Variants in APBA1 observed in about 807,000 individuals in gnomAD.
APBA1 encodes amyloid beta precursor protein binding family A member 1, also known as amyloid-beta A4 precursor protein-binding family A member 1.
In APBA1, 55 loss-of-function variants were observed where a neutral mutation model predicts 86.6. The ratio of observed to expected loss-of-function variants is 0.64; its 90% CI spans 0.51 to 0.80. The LOEUF (loss-of-function observed/expected upper bound fraction) is 0.80, where lower values mean the gene tolerates loss of function less well. Ranked by LOEUF, APBA1 falls within the 30% of genes least tolerant of loss-of-function variation. The pLI is 0.00. For synonymous variants in APBA1, 511 were observed against 493.9 expected (o/e 1.03, Z -0.46); for missense variants, 1,090 against 1,183.0 (o/e 0.92, Z 1.15).
intron 1 of APBA1, among the ~76,000 whole-genome samples, chr9:69,652,882 AGCTACTTGGG>A (rs1588413404): frequency 6.6e-6 from 1 of 152,240 alleles, no homozygotes; most frequent in East Asian, 1.9e-4. Flanking sequence ...CTGTAGTCCT[AGCTACTTGGG>A]AGGCTGAGGG....
intron 1 of APBA1, among the ~76,000 whole-genome samples, chr9:69,649,292 C>T (rs561086974): frequency 5.3e-4 from 81 of 152,192 alleles, no homozygotes; most frequent in Admixed American, 7.9e-4. Context: ...ACTTGAAATG[C>T]AAAAATGGCA....
Position 69,516,257 on chromosome 9 carries a change from C to G in APBA1, c.954G>C (p.Ala318=). Residue 318 remains alanine (A), a synonymous_variant, in exon 2 of 13, where the codon GCG becomes GCC. Coordinates refer to ENST00000265381, the MANE Select transcript of APBA1 (RefSeq NM_001163.4). The surrounding 1 kb of genome is among the most constrained non-coding windows in gnomAD (Gnocchi z 7.3). ...CCACCGCCCGCTGCTGCCCCGCCGG[C>G]GCCTGCAGCCCGGGGCTGTCGGGGC... ...GGRPDSPGLQ[A]PAGQQRAVGP... is the part of the protein sequence containing the mutation. The G allele has an allele frequency of 1.4e-6, 2 of 1,379,516 alleles. No individual in the cohort carries two copies. The highest frequency in any genetic ancestry group is 1.7e-5 in the South Asian group (1 of 60,130). The allele number at this position is 1,379,516 out of a possible 1,614,324, so 85.5% of individuals were successfully genotyped here. A position where few individuals can be genotyped will look rare whatever the true frequency, so the allele number is the denominator to read the frequency against.
chr9:69,631,338 A>T (rs918611844), intron 1 of APBA1, among the ~76,000 whole-genome samples: 2 of 152,224 alleles, frequency 1.3e-5, no homozygotes, highest in African/African-American at 4.8e-5. Context: ...GAGAAATGCA[A>T]ATCAAAACCA....
intron 2 of APBA1, among the ~76,000 whole-genome samples, chr9:69,492,361 A>G (rs1379241015): frequency 6.6e-6 from 1 of 152,162 alleles, no homozygotes; most frequent in African/African-American, 2.4e-5. Flanking sequence ...TGATCTGAAC[A>G]GTTAGAAAAG....
chr9:69,521,600 T>G (rs1020169912), intron 1 of APBA1, among the ~76,000 whole-genome samples: 1 of 152,024 alleles, frequency 6.6e-6, no homozygotes, highest in Non-Finnish European at 1.5e-5. Flanking sequence ...CAAGATAACT[T>G]CATAGGGAAA....
intron 1 of APBA1, among the ~76,000 whole-genome samples, chr9:69,569,868 T>A (rs1406185112): frequency 6.6e-6 from 1 of 152,212 alleles, no homozygotes; most frequent in East Asian, 1.9e-4. Context: ...ACAGCCTGAA[T>A]TAAGCTCCAC....
intron 1 of APBA1, among the ~76,000 whole-genome samples, chr9:69,547,096 G>A (rs1195363942): frequency 1.3e-5 from 2 of 152,150 alleles, no homozygotes; most frequent in African/African-American, 2.4e-5. Context: ...ATCAATTGTC[G>A]GAGTACAGAG....
chr9:69,637,738 A>C (rs1823210198), intron 1 of APBA1, among the ~76,000 whole-genome samples: 1 of 152,226 alleles, frequency 6.6e-6, no homozygotes, highest in Admixed American at 6.5e-5. Context: ...AAAACACATA[A>C]AAGTGCTATA....
At chr9:69,466,601 A>G (rs1006154402) in intron 5 of APBA1, among the ~76,000 whole-genome samples, 9 of 152,118 alleles carry the variant, frequency 5.9e-5, no homozygotes, top group South Asian at 2.1e-4. Context: ...TCATTCCCTC[A>G]TTCATACTGC....
chr9:69,571,891 C>T (rs1480102515), intron 1 of APBA1, among the ~76,000 whole-genome samples: 1 of 152,168 alleles, frequency 6.6e-6, no homozygotes, highest in Non-Finnish European at 1.5e-5. Flanking sequence ...ATTGATTTGA[C>T]CTCTGCCGAC....
chr9:69,497,636 T>G (rs1022198327), intron 2 of APBA1, among the ~76,000 whole-genome samples: 1 of 152,114 alleles, frequency 6.6e-6, no homozygotes, highest in African/African-American at 2.4e-5. Context: ...GGGATAAAGT[T>G]AAACTCCTCC....
In APBA1 at chr9:69,672,139, C is replaced by G. The variant is rs939675818; in HGVS notation, c.-70+14G>C. 1.3e-5 allele frequency: 2 copies of G among 153,808 alleles called. No homozygotes were observed. Among genetic ancestry groups the G allele is most frequent in the Admixed American group, 1.3e-4 (2 of 15,290 alleles). The allele number at this position is 153,808 out of a possible 1,614,324, so 9.5% of individuals were successfully genotyped here. A position where few individuals can be genotyped will look rare whatever the true frequency, so the allele number is the denominator to read the frequency against. On this transcript the variant is annotated intron_variant, in intron 1 of 12. Coordinates refer to ENST00000265381, the MANE Select transcript of APBA1 (RefSeq NM_001163.4). ...GGGCACCCCTTCTCACCCACCCCTC[C>G]CTGGCTGTGGTACCTTGCCTGACAG...
At chr9:69,657,917 T>C (rs1171295281) in intron 1 of APBA1, among the ~76,000 whole-genome samples, 1 of 152,168 alleles carries the variant, frequency 6.6e-6, no homozygotes, top group Non-Finnish European at 1.5e-5. Context: ...AGAGAGAATA[T>C]TCACAAACAA....
intron 1 of APBA1, among the ~76,000 whole-genome samples, chr9:69,540,631 G>A (rs1197086042): frequency 1.3e-5 from 2 of 152,046 alleles, no homozygotes; most frequent in African/African-American, 4.8e-5. Flanking sequence ...ACAGGGTCTC[G>A]CTCTGTCACT....
intron 5 of APBA1, chr9:69,464,494 A>C (rs1176572540): frequency 6.6e-6 from 1 of 152,228 alleles, no homozygotes; most frequent in African/African-American, 2.4e-5. Flanking sequence ...CAGGTCTAAA[A>C]TGTATTTATA....
rs76791427 is a variant in APBA1 at position 69,599,928 on chromosome 9, A to G, written c.-70+72225T>C. Among the ~76,000 whole-genome samples, 1,210 of 152,338 alleles carry G rather than the reference A, an allele frequency of 7.9e-3. 15 individuals are homozygous for G. Among genetic ancestry groups the G allele is most frequent in the African/African-American group, 0.027 (1,143 of 41,586 alleles). ...TCATGCGTTTTTACAAGACTGATTCAAAACAAGTCAAAGGTTCACTTTGCC... is the reference window on the plus strand; with the variant it reads ...TCATGCGTTTTTACAAGACTGATTCGAAACAAGTCAAAGGTTCACTTTGCC... On this transcript the variant is annotated intron_variant, in intron 1 of 12. Transcript: ENST00000265381.
At chr9:69,447,985 C>G (rs913734338) in intron 10 of APBA1, among the ~76,000 whole-genome samples, 3 of 152,108 alleles carry the variant, frequency 2.0e-5, no homozygotes, top group Admixed American at 6.5e-5. Flanking sequence ...CTGGCAGGAG[C>G]GACTTGTGGT....
At chr9:69,620,545 C>T (rs1340519740) in intron 1 of APBA1, among the ~76,000 whole-genome samples, 2 of 152,168 alleles carry the variant, frequency 1.3e-5, no homozygotes, top group Non-Finnish European at 2.9e-5. Flanking sequence ...GGCATGGTGG[C>T]ATGTGCCTGT....
chr9:69,544,598 CTTCA>C (rs1836667556), intron 1 of APBA1, among the ~76,000 whole-genome samples: 3 of 152,146 alleles, frequency 2.0e-5, no homozygotes, highest in South Asian at 4.1e-4. Flanking sequence ...ACACAGGGTC[CTTCA>C]TTATTTTGCA....
Sources: gnomAD v4.1 joint callset for allele counts (sites outside exome capture counted in the v4.1 genomes callset) on GRCh38, gnomAD v4.1.1 for gene constraint, Gnocchi (gnomAD v3.1) non-coding constraint, MANE v1.5 for transcripts, NCBI Gene and HGNC (gene_info 2026-07-23, HGNC 2026-07-21) for gene names.